PSTPIP1: variants seen among roughly 807,000 people sequenced by gnomAD.
PSTPIP1 encodes the protein proline-serine-threonine phosphatase interacting protein 1.
PSTPIP1 carries 66 observed loss-of-function variants against 69.6 expected under a neutral mutation model. That is an observed-to-expected ratio of 0.95 (90% confidence interval 0.78 to 1.16). The LOEUF (loss-of-function observed/expected upper bound fraction) is 1.16. PSTPIP1 is among the 50% of genes most tolerant of loss of function. The probability of loss-of-function intolerance (pLI) is 0.00; values close to 1 mark genes in which losing one functional copy is unlikely to be tolerated. For missense variants in PSTPIP1, 603 were observed against 557.4 expected (o/e 1.08, Z -0.82); for synonymous variants, 266 against 222.7 (o/e 1.19, Z -1.73).
intron 1 of PSTPIP1, among the ~76,000 whole-genome samples, chr15:77,000,632 C>T (rs555705592): frequency 6.2e-4 from 95 of 152,064 alleles, no homozygotes; most frequent in Admixed American, 2.3e-3. Context: ...TAATATTATG[C>T]TGTGTTTGCA....
chr15:77,030,798 A>T (rs891271190), intron 9 of PSTPIP1, among the ~76,000 whole-genome samples: 1 of 152,184 alleles, frequency 6.6e-6, no homozygotes, highest in Admixed American at 6.5e-5. Context: ...GCAGGCAGGC[A>T]TTCTTCCACC....
chr15:77,021,349 C>T (rs1262568398), intron 3 of PSTPIP1, among the ~76,000 whole-genome samples: 1 of 152,184 alleles, frequency 6.6e-6, no homozygotes, highest in Non-Finnish European at 1.5e-5. Context: ...AAGTAAGACC[C>T]AGTCCCCAAA....
Position 77,037,320 on chromosome 15 carries a change from G to A in PSTPIP1, c.*144G>A. The A allele has an allele frequency of 8.9e-6, 10 of 1,117,478 alleles. No individual in the cohort carries two copies. Among genetic ancestry groups the A allele is most frequent in the South Asian group, 6.3e-5 (4 of 63,150 alleles). The allele number at this position is 1,117,478 out of a possible 1,614,324, so 69.2% of individuals were successfully genotyped here. A position where few individuals can be genotyped will look rare whatever the true frequency, so the allele number is the denominator to read the frequency against. On this transcript the variant is annotated 3_prime_UTR_variant, in exon 15 of 15. Coordinates refer to ENST00000558012, the MANE Select transcript of PSTPIP1 (RefSeq NM_003978.5). The stretch of plus-strand genomic sequence containing the variant: ...GTCGTCTCCCAGGGAATAAAGGAGT[G>A]CGTTCTGTTCTCCTTGGTGTGCTGG...
At chr15:77,034,415 G>GGACTTGGCCCTCGGC (rs1488755644) in intron 12 of PSTPIP1, among the ~76,000 whole-genome samples, 1 of 152,002 alleles carries the variant, frequency 6.6e-6, no homozygotes, top group African/African-American at 2.4e-5. Flanking sequence ...GCACTCCTGG[G>GGACTTGGCCCTCGGC]GCCTTGGCCC....
intron 5 of PSTPIP1, chr15:77,026,062 G>T (rs1032951668): frequency 2.0e-5 from 9 of 457,106 alleles, no homozygotes; most frequent in Non-Finnish European, 8.8e-6. Flanking sequence ...GACTGGGGTG[G>T]GAGAGTTGTA....
chr15:77,020,866 T>TG (rs1491174862), intron 3 of PSTPIP1, among the ~76,000 whole-genome samples: 5 of 10,268 alleles, frequency 4.9e-4, no homozygotes, highest in Non-Finnish European at 1.3e-3. Context: ...CTTAGACTCC[T>TG]GTGGGGGGGG....
chr15:77,029,412 C>A, intron 7 of PSTPIP1, 117 bp from the exon 8 acceptor site: 1 of 1,212,554 alleles, frequency 8.2e-7, no homozygotes, highest in Non-Finnish European at 1.2e-6. Flanking sequence ...CCATAGTTGG[C>A]TCCTGAATGT....
intron 5 of PSTPIP1, among the ~76,000 whole-genome samples, chr15:77,026,974 G>A (rs2076294137): frequency 6.6e-6 from 1 of 152,270 alleles, no homozygotes; most frequent in Non-Finnish European, 1.5e-5. Flanking sequence ...TGTGTGCCAT[G>A]TGTGTCTGAG....
intron 1 of PSTPIP1, among the ~76,000 whole-genome samples, chr15:77,012,355 AC>A (rs1027370434): frequency 2.0e-5 from 3 of 148,542 alleles, no homozygotes; most frequent in Non-Finnish European, 4.5e-5. Flanking sequence ...CCACCAGTCC[AC>A]CCATCCACCC....
rs191658871 is a variant in PSTPIP1 at position 77,007,374 on chromosome 15, G to A, written c.37-10774G>A. ...TGTAATTCCAGCACTCTGGAAAGCT[G>A]AGGCAGGTGGATTGCTCGAGCCCAG... On this transcript the variant is annotated intron_variant, in intron 1 of 14. Transcript: ENST00000558012. Among the ~76,000 whole-genome samples the A allele has an allele frequency of 1.5e-3, 235 of 152,278 alleles. 2 individuals carry two copies. The highest frequency in any genetic ancestry group is 5.5e-3 in the African/African-American group (227 of 41,566).
At chr15:77,026,145 C>A (rs530330406) in intron 5 of PSTPIP1, 1 of 455,942 alleles carries the variant, frequency 2.2e-6, no homozygotes, top group Non-Finnish European at 4.4e-6. Context: ...AGAGTGACTG[C>A]ATGGAAGTGA....
intron 3 of PSTPIP1, among the ~76,000 whole-genome samples, chr15:77,024,863 T>C (rs2076240762): frequency 6.6e-6 from 1 of 152,038 alleles, no homozygotes; most frequent in South Asian, 2.1e-4. Flanking sequence ...AGAGCCCATC[T>C]GAACACTGTC....
intron 1 of PSTPIP1, among the ~76,000 whole-genome samples, chr15:77,002,858 G>A (rs892692797): frequency 2.0e-5 from 3 of 152,176 alleles, no homozygotes; most frequent in African/African-American, 7.2e-5. Flanking sequence ...CATCTACACA[G>A]AACTAGGGCA....
chr15:77,028,657 G>A lies in PSTPIP1; in HGVS notation c.516+5G>A, dbSNP rs997648680. The A allele has an allele frequency of 5.8e-6, 9 of 1,546,934 alleles. No individual in the cohort carries two copies. The highest frequency in any genetic ancestry group is 2.0e-5 in the Admixed American group (1 of 51,036). ...CACCAGAAGCAGGTGGAGAAGGTGC[G>A]CTGGGCTGCTGGGCCGTGTGGGTCG... On this transcript the variant is annotated splice_donor_5th_base_variant and intron_variant, in intron 7 of 14. Coordinates refer to ENST00000558012, the MANE Select transcript of PSTPIP1 (RefSeq NM_003978.5).
intron 1 of PSTPIP1, among the ~76,000 whole-genome samples, chr15:77,009,196 CG>C: frequency 1.3e-5 from 2 of 152,296 alleles, no homozygotes; most frequent in East Asian, 3.9e-4. Flanking sequence ...CCCCCAGGCA[CG>C]GAAGGCCTCA....
In PSTPIP1 at chr15:77,031,297, G is replaced by C; in HGVS notation, c.741+19G>C. The C allele has an allele frequency of 6.2e-7, 1 of 1,610,064 alleles. No homozygotes were observed. The highest frequency in any genetic ancestry group is 8.5e-7 in the Non-Finnish European group (1 of 1,177,640). On this transcript the variant is annotated intron_variant, in intron 10 of 14. Coordinates refer to ENST00000558012, the MANE Select transcript of PSTPIP1 (RefSeq NM_003978.5). Reference sequence around the variant, plus strand: ...TGATGAGGTGGGGGCTGAGGGCCTTGGTGTGGGGTAAGGTAGGGCAGCCTC... The same window carrying C: ...TGATGAGGTGGGGGCTGAGGGCCTTCGTGTGGGGTAAGGTAGGGCAGCCTC...
chr15:77,012,689 C>T (rs570584882), intron 1 of PSTPIP1, among the ~76,000 whole-genome samples: 1 of 152,332 alleles, frequency 6.6e-6, no homozygotes, highest in East Asian at 1.9e-4. Context: ...CATCCCTGTG[C>T]CTCTGTTTCC....
chr15:77,031,168 C>T lies in PSTPIP1; in HGVS notation c.643-12C>T. 6.2e-7 allele frequency: 1 copy of T among 1,611,222 alleles called. No individual in the cohort carries two copies. Among genetic ancestry groups the T allele is most frequent in the Non-Finnish European group, 8.5e-7 (1 of 1,178,870 alleles). On this transcript the variant is annotated splice_polypyrimidine_tract_variant and intron_variant, in intron 9 of 14. Transcript: ENST00000558012. ...GCCTCCTCACTGCTCACCTCCCTCC[C>T]ACTGCCCCCAGGCCTTTCAGCTGCA...
intron 1 of PSTPIP1, among the ~76,000 whole-genome samples, chr15:77,006,505 T>C (rs2075818579): frequency 6.6e-6 from 1 of 152,266 alleles, no homozygotes; most frequent in African/African-American, 2.4e-5. Flanking sequence ...TAATATCATA[T>C]CAGAGAAATA....
Sources: gnomAD v4.1 joint callset for allele counts (sites outside exome capture counted in the v4.1 genomes callset) on GRCh38, gnomAD v4.1.1 for gene constraint, MANE v1.5 for transcripts, NCBI Gene and HGNC (gene_info 2026-07-23, HGNC 2026-07-21) for gene names.